Variants in GALNT17 observed in about 807,000 individuals in gnomAD.
GALNT17 encodes polypeptide N-acetylgalactosaminyltransferase 17.
In GALNT17, 29 loss-of-function variants were observed where a neutral mutation model predicts 63.7. The observed-to-expected ratio is 0.46, with a 90% CI of 0.34 to 0.62. The LOEUF (loss-of-function observed/expected upper bound fraction) is 0.62, where lower values mean the gene tolerates loss of function less well. Ranked by LOEUF, GALNT17 falls within the 20% of genes least tolerant of loss-of-function variation. The probability of loss-of-function intolerance (pLI) is 0.01; values close to 1 mark genes in which losing one functional copy is unlikely to be tolerated. For missense variants in GALNT17, 603 were observed against 799.6 expected (o/e 0.75, Z 2.97); for synonymous variants, 305 against 318.3 (o/e 0.96, Z 0.45).
At chr7:71,276,246 G>C (rs1224282780) in intron 1 of GALNT17, among the ~76,000 whole-genome samples, 2 of 151,942 alleles carry the variant, frequency 1.3e-5, no homozygotes, top group African/African-American at 2.4e-5. Flanking sequence ...GGGTGGGGGT[G>C]GTCCATAAGA....
At position 71,415,981 on chromosome 7, in the gene GALNT17, C is replaced by G; in HGVS notation, c.682C>G (p.Arg228Gly). 1 of 1,613,770 alleles carries G rather than the reference C, an allele frequency of 6.2e-7. No homozygotes were observed. Among genetic ancestry groups the G allele is most frequent in the South Asian group, 1.1e-5 (1 of 90,968 alleles). ...VRNQKREGLI[R>G]ARIEGWKVAT... is the part of the protein sequence containing the mutation. The stretch of plus-strand genomic sequence containing the variant: ...AAATCAGAAGAGGGAAGGCCTGATC[C>G]GCGCTCGCATTGAGGGCTGGAAGGT... The change falls in exon 4 of 11, where the codon CGC becomes GGC. Residue 228 changes from arginine (R) to glycine (G), a missense_variant. Physicochemically the swap from Arg to Gly is moderately radical, Grantham distance 125. Transcript: ENST00000333538.
intron 1 of GALNT17, among the ~76,000 whole-genome samples, chr7:71,279,606 A>T (rs755441610): frequency 4.0e-5 from 6 of 151,750 alleles, no homozygotes; most frequent in Non-Finnish European, 7.4e-5. Context: ...TCCAAATAAG[A>T]TCACATTCTG....
intron 1 of GALNT17, 24 bp downstream of exon 1, chr7:71,133,064 CG>C (rs2116129934): frequency 6.6e-7 from 1 of 1,508,480 alleles, no homozygotes. Flanking sequence ...CCGGCGCCTC[CG>C]GGGCTCGACG....
intron 1 of GALNT17, among the ~76,000 whole-genome samples, chr7:71,242,383 T>C (rs6980454): frequency 0.51 from 76,875 of 150,278 alleles, 20,873 homozygotes; most frequent in East Asian, 0.81. Flanking sequence ...ATTCTCCTGC[T>C]TCAGCCTCCC....
intron 5 of GALNT17, among the ~76,000 whole-genome samples, chr7:71,494,364 A>G (rs1042168879): frequency 6.6e-6 from 1 of 152,130 alleles, no homozygotes; most frequent in South Asian, 2.1e-4. Context: ...GCCAAGTCAT[A>G]TCACAGGGTC....
chr7:71,365,528 C>T (rs1382230199), intron 2 of GALNT17, among the ~76,000 whole-genome samples: 1 of 152,232 alleles, frequency 6.6e-6, no homozygotes, highest in African/African-American at 2.4e-5. Context: ...GCGTGAGCCA[C>T]AGCGCCCACC....
intron 1 of GALNT17, among the ~76,000 whole-genome samples, chr7:71,211,677 A>G (rs572283478): frequency 2.0e-5 from 3 of 152,326 alleles, no homozygotes; most frequent in African/African-American, 7.2e-5. Context: ...GCTGATAGCT[A>G]TATGGACAAT....
At chr7:71,454,212 G>A (rs1787315653) in intron 5 of GALNT17, among the ~76,000 whole-genome samples, 1 of 152,134 alleles carries the variant, frequency 6.6e-6, no homozygotes, top group South Asian at 2.1e-4. Flanking sequence ...ATTAAGCCCA[G>A]GATGCATTGT....
intron 6 of GALNT17, among the ~76,000 whole-genome samples, chr7:71,657,427 A>G (rs1363434780): frequency 6.6e-6 from 1 of 152,220 alleles, no homozygotes; most frequent in Non-Finnish European, 1.5e-5. Context: ...CATAGTGAAT[A>G]TAAATGAACC....
At chr7:71,616,824 CAT>C (rs1038674968) in intron 6 of GALNT17, among the ~76,000 whole-genome samples, 5 of 62,068 alleles carry the variant, frequency 8.1e-5, no homozygotes, top group African/African-American at 2.6e-4. Context: ...ATTATATAAT[CAT>C]ATTATATATT....
intron 5 of GALNT17, among the ~76,000 whole-genome samples, chr7:71,469,901 A>C (rs993106118): frequency 2.0e-5 from 3 of 152,152 alleles, no homozygotes; most frequent in African/African-American, 7.2e-5. Flanking sequence ...GATATATAGT[A>C]CCCTTACATT....
At chr7:71,579,086 T>G (rs1789585786) in intron 6 of GALNT17, among the ~76,000 whole-genome samples, 1 of 152,238 alleles carries the variant, frequency 6.6e-6, no homozygotes, top group African/African-American at 2.4e-5. Flanking sequence ...TTCTCTCACC[T>G]ATTGGCACTG....
intron 2 of GALNT17, among the ~76,000 whole-genome samples, chr7:71,359,044 G>C (rs191316686): frequency 1.3e-5 from 2 of 152,086 alleles, no homozygotes; most frequent in African/African-American, 4.8e-5. Context: ...CAAAATTCTG[G>C]GATTTGCTTC....
intron 1 of GALNT17, among the ~76,000 whole-genome samples, chr7:71,244,721 G>GA (rs1336825998): frequency 3.9e-5 from 6 of 152,130 alleles, no homozygotes; most frequent in Admixed American, 6.6e-5. Context: ...CACTGAGGTG[G>GA]AAGGATCATT....
chr7:71,523,027 G>A (rs564313503), intron 5 of GALNT17, among the ~76,000 whole-genome samples: 3 of 151,976 alleles, frequency 2.0e-5, no homozygotes, highest in African/African-American at 4.8e-5. Flanking sequence ...GCAATGTAGC[G>A]AGACCTCGTC....
At chr7:71,446,680 C>T (rs1455956930) in intron 5 of GALNT17, among the ~76,000 whole-genome samples, 1 of 152,152 alleles carries the variant, frequency 6.6e-6, no homozygotes, top group Non-Finnish European at 1.5e-5. Context: ...TCCAGAGTAG[C>T]TGGGATTACA....
At chr7:71,272,339 G>A (rs559411207) in intron 1 of GALNT17, among the ~76,000 whole-genome samples, 6 of 152,274 alleles carry the variant, frequency 3.9e-5, no homozygotes, top group African/African-American at 1.2e-4. Flanking sequence ...GGGTAGATAC[G>A]TAGGAATGGG....
At chr7:71,399,247 CA>C (rs35218263) in intron 3 of GALNT17, among the ~76,000 whole-genome samples, 1 of 151,670 alleles carries the variant, frequency 6.6e-6, no homozygotes, top group African/African-American at 2.4e-5. Context: ...TGCCCTCCTC[CA>C]AAAAAAATGT....
At chr7:71,564,448 G>T (rs955508562) in intron 5 of GALNT17, among the ~76,000 whole-genome samples, 3 of 151,386 alleles carry the variant, frequency 2.0e-5, no homozygotes, top group African/African-American at 7.3e-5. Flanking sequence ...TACCACGCCC[G>T]GCTCATTTTT....
Sources: gnomAD v4.1 joint callset for allele counts (sites outside exome capture counted in the v4.1 genomes callset) on GRCh38, gnomAD v4.1.1 for gene constraint, MANE v1.5 for transcripts, NCBI Gene and HGNC (gene_info 2026-07-23, HGNC 2026-07-21) for gene names.